The following KANK1 variants were observed in gnomAD, a reference collection of about 807,000 sequenced individuals.
KANK1 encodes the protein KN motif and ankyrin repeat domain-containing protein 1.
In KANK1, 109 loss-of-function variants were observed where a neutral mutation model predicts 106.2. The ratio of observed to expected loss-of-function variants is 1.03; its 90% CI spans 0.88 to 1.20. The LOEUF is 1.20. Ranked by LOEUF, KANK1 falls within the 50% of genes most tolerant of loss-of-function variation. The pLI is 0.00. For missense variants in KANK1, 2,399 were observed against 1,710.7 expected, an observed-to-expected ratio of 1.40 and a Z score of -7.10; for synonymous variants, 873 against 652.2, an observed-to-expected ratio of 1.34 and a Z score of -5.16.
At chr9:518,442 A>C (rs2059393744) in intron 1 of KANK1, among the ~76,000 whole-genome samples, 1 of 151,422 alleles carries the variant, frequency 6.6e-6, no homozygotes. Context: ...CTGGCTTTTT[A>C]CCTATACTTT....
At chr9:615,316 T>A (rs1488664989) in intron 1 of KANK1, among the ~76,000 whole-genome samples, 2 of 152,218 alleles carry the variant, frequency 1.3e-5, no homozygotes, top group African/African-American at 2.4e-5. Flanking sequence ...ACACATAATT[T>A]GCTGATGAAT....
intron 1 of KANK1, among the ~76,000 whole-genome samples, chr9:611,943 C>T (rs531340714): frequency 6.6e-6 from 1 of 152,332 alleles, no homozygotes; most frequent in East Asian, 1.9e-4. Context: ...TGGTCTCGAT[C>T]TCCTGACCTT....
chr9:480,802 C>T (rs927227695), intron 3 of KANK1, among the ~76,000 whole-genome samples: 2 of 152,188 alleles, frequency 1.3e-5, no homozygotes, highest in African/African-American at 4.8e-5. Context: ...TTAGGGGTGA[C>T]ACTCAAATTC....
chr9:696,227 G>T lies in KANK1; in HGVS notation c.38-14577G>T, dbSNP rs185172599. On this transcript the variant is annotated intron_variant, in intron 2 of 11. Coordinates refer to ENST00000382297, the MANE Select transcript of KANK1 (RefSeq NM_015158.5). ...TGAACCCGGGAGGCGGAGTTTGCAG[G>T]GAGCCGAGATCACGCCACTGCACTC... Among the ~76,000 whole-genome samples, 164 of 151,756 alleles carry T rather than the reference G, an allele frequency of 1.1e-3. 2 individuals carry two copies. In the East Asian group the frequency reaches 0.019, roughly 17 times the overall value.
chr9:505,364 G>T (rs1370771148), intron 1 of KANK1, among the ~76,000 whole-genome samples: 2 of 152,202 alleles, frequency 1.3e-5, no homozygotes, highest in Non-Finnish European at 2.9e-5. Flanking sequence ...GGGGAGGGGC[G>T]TGGGCGCTGC....
chr9:588,734 G>T (rs1299954046), intron 1 of KANK1, among the ~76,000 whole-genome samples: 1 of 152,094 alleles, frequency 6.6e-6, no homozygotes, highest in South Asian at 2.1e-4. Context: ...ATCGGATAGG[G>T]CACGGACTGT....
At chr9:739,293 G>C (rs1339145419) in intron 8 of KANK1, among the ~76,000 whole-genome samples, 3 of 151,618 alleles carry the variant, frequency 2.0e-5, no homozygotes, top group East Asian at 3.8e-4. Flanking sequence ...AGAGAAGTCA[G>C]AGTATCTCAG....
upstream of KANK1, among the ~76,000 whole-genome samples, chr9:501,780 TG>T (rs2058557972): frequency 6.6e-6 from 1 of 152,222 alleles, no homozygotes. Context: ...ATCCAATTCC[TG>T]GGCTCAAGCT....
chr9:521,565 CTTTT>C (rs35143391), intron 1 of KANK1, among the ~76,000 whole-genome samples: 1 of 118,794 alleles, frequency 8.4e-6, no homozygotes. Context: ...CCTCCAGATT[CTTTT>C]TTTTTTTTTT....
intron 1 of KANK1, among the ~76,000 whole-genome samples, chr9:582,113 A>G (rs1163443321): frequency 6.6e-6 from 1 of 152,072 alleles, no homozygotes; most frequent in East Asian, 1.9e-4. Context: ...CAGGTGGTGC[A>G]AGAGGCGCTG....
chr9:591,166 G>T (rs527627762), intron 1 of KANK1, among the ~76,000 whole-genome samples: 1 of 151,854 alleles, frequency 6.6e-6, no homozygotes, highest in East Asian at 1.9e-4. Context: ...AGATTTTAAA[G>T]ATTTAAAATT....
At chr9:744,999 G>T (rs760091216) in intron 11 of KANK1, 174 bp from the exon 12 acceptor site, 24 of 1,498,648 alleles carry the variant, frequency 1.6e-5, no homozygotes, top group East Asian at 4.6e-5. Context: ...GCACTGCTGA[G>T]CCCAGCTGGC....
At chr9:684,518 C>G in intron 2 of KANK1, 1 of 985,432 alleles carries the variant, frequency 1.0e-6, no homozygotes, top group Non-Finnish European at 1.2e-6. Context: ...TAAAACAGCC[C>G]TTCCTACAAG....
At chr9:497,822 C>T (rs1380594238) in intron 3 of KANK1, among the ~76,000 whole-genome samples, 1 of 150,526 alleles carries the variant, frequency 6.6e-6, no homozygotes, top group Admixed American at 6.6e-5. Context: ...CACTGCACTC[C>T]AGCCTGGGCG....
Position 676,027 on chromosome 9 carries a change from TA to T in KANK1, c.-83-862del, listed in dbSNP as rs201261876. 3.2e-3 allele frequency among the ~76,000 whole-genome samples: 480 copies of T among 152,308 alleles called. 12 individuals carry two copies. The highest frequency in any genetic ancestry group is 0.026 in the Admixed American group (393 of 15,302). ...AATGTTTTTTAGCATGCTAATGCAT[TA>T]TAATTAGCATATAATGAGCAGTGAG... On this transcript the variant is annotated intron_variant, in intron 1 of 11. Transcript: ENST00000382297.
chr9:686,271 G>C (rs560757691), intron 2 of KANK1, among the ~76,000 whole-genome samples: 6 of 152,220 alleles, frequency 3.9e-5, no homozygotes, highest in Admixed American at 3.9e-4. Flanking sequence ...GGATTGACTG[G>C]GATGCTTTAT....
chr9:556,879 G>GT (rs1213346891), intron 1 of KANK1, among the ~76,000 whole-genome samples: 1 of 152,192 alleles, frequency 6.6e-6, no homozygotes, highest in Non-Finnish European at 1.5e-5. Context: ...TATGGTCTCA[G>GT]TAATGACATG....
chr9:616,112 A>G (rs1425865332), intron 1 of KANK1, among the ~76,000 whole-genome samples: 4 of 152,178 alleles, frequency 2.6e-5, no homozygotes, highest in African/African-American at 9.7e-5. Context: ...AAGCTCAATA[A>G]AGAAATGTTT....
upstream of KANK1, among the ~76,000 whole-genome samples, chr9:503,317 G>T (rs1295398469): frequency 2.6e-5 from 4 of 152,060 alleles, no homozygotes; most frequent in Non-Finnish European, 5.9e-5. Flanking sequence ...AAAAAGCAAG[G>T]CCCAGGAGGA....
Sources: gnomAD v4.1 joint callset for allele counts (sites outside exome capture counted in the v4.1 genomes callset) on GRCh38, gnomAD v4.1.1 for gene constraint, MANE v1.5 for transcripts, NCBI Gene and HGNC (gene_info 2026-07-23, HGNC 2026-07-21) for gene names.